The following RARRES1 variants were observed in gnomAD, a reference collection of about 807,000 sequenced individuals.
RARRES1 encodes retinoic acid receptor responder 1.
A neutral mutation model predicts 30.6 loss-of-function variants in RARRES1; 34 were observed. That is an observed-to-expected ratio of 1.11 (90% CI 0.84 to 1.48). The LOEUF (loss-of-function observed/expected upper bound fraction) is 1.48, where lower values mean the gene tolerates loss of function less well. Ranked by LOEUF, RARRES1 falls within the 40% of genes most tolerant of loss-of-function variation. The pLI is 0.00. For missense variants in RARRES1, 373 were observed against 386.5 expected, an observed-to-expected ratio of 0.97 and a Z score of 0.29; for synonymous variants, 153 against 155.5, an observed-to-expected ratio of 0.98 and a Z score of 0.12.
intron 1 of RARRES1, 107 bp from the exon 2 acceptor site, chr3:158,713,966 C>T: frequency 1.0e-6 from 1 of 982,376 alleles, no homozygotes; most frequent in Non-Finnish European, 1.6e-6. Context: ...GTGGCTGTAG[C>T]ATTTATACCT....
chr3:158,732,309 G>A lies in RARRES1; in HGVS notation c.107C>T (p.Ala36Val). 7.4e-7 allele frequency: 1 copy of A among 1,344,302 alleles called. No individual in the cohort carries two copies. Among genetic ancestry groups the A allele is most frequent in the Non-Finnish European group, 9.5e-7 (1 of 1,057,506 alleles). 83.3% of individuals were successfully genotyped at this position (1,344,302 alleles called of 1,614,324 possible). The change falls in exon 1 of 6, where the codon GCG becomes GTG. Residue 36 changes from alanine to valine, a missense_variant. Coordinates refer to ENST00000237696, the MANE Select transcript of RARRES1 (RefSeq NM_206963.2). ...ALLLLLAPVAAPAGSGDPDDP... is the reference protein window; with the variant it reads ...ALLLLLAPVAVPAGSGDPDDP... Reference sequence around the variant, plus strand: ...GTCGGGGTCCCCGGACCCCGCGGGCGCCGCCACCGGGGCGAGCAACAGCAG... The same window carrying A: ...GTCGGGGTCCCCGGACCCCGCGGGCACCGCCACCGGGGCGAGCAACAGCAG...
intron 1 of RARRES1, 81 bp from the exon 2 acceptor site, chr3:158,713,940 ACATGG>A (rs1263322542): frequency 7.9e-7 from 1 of 1,271,582 alleles, no homozygotes; most frequent in African/African-American, 1.5e-5. Context: ...TCTTAGGATA[ACATGG>A]CATGCAAATG....
At chr3:158,725,829 C>T (rs1262008789) in intron 1 of RARRES1, among the ~76,000 whole-genome samples, 1 of 152,164 alleles carries the variant, frequency 6.6e-6, no homozygotes, top group African/African-American at 2.4e-5. Context: ...GTCTGCAGAC[C>T]GGATGGCTGC....
chr3:158,713,489 C>T (rs945777791), intron 2 of RARRES1, among the ~76,000 whole-genome samples: 3 of 152,052 alleles, frequency 2.0e-5, no homozygotes, highest in African/African-American at 7.2e-5. Context: ...TCTGAGGACT[C>T]TGAGGAGCTA....
chr3:158,698,021 A>C (rs2108127309), intron 4 of RARRES1, 51 bp from the exon 5 acceptor site: 1 of 1,274,582 alleles, frequency 7.8e-7, no homozygotes, highest in East Asian at 2.4e-5. Context: ...TATTTAGTGT[A>C]ATAACTATAC....
chr3:158,704,708 T>G, intron 4 of RARRES1, 83 bp downstream of exon 4: 4 of 1,505,288 alleles, frequency 2.7e-6, no homozygotes, highest in Non-Finnish European at 3.5e-6. Flanking sequence ...GATATGAAAT[T>G]AGAAGTTCGC....
At chr3:158,717,190 G>C (rs538335676) in intron 1 of RARRES1, among the ~76,000 whole-genome samples, 1 of 152,286 alleles carries the variant, frequency 6.6e-6, no homozygotes, top group African/African-American at 2.4e-5. Context: ...AATGTTCTGT[G>C]ATAAAGGGGT....
At chr3:158,720,536 G>T (rs2108148617) in intron 1 of RARRES1, among the ~76,000 whole-genome samples, 1 of 149,776 alleles carries the variant, frequency 6.7e-6, no homozygotes, top group East Asian at 1.9e-4. Context: ...CTGAGACTCT[G>T]GGTAGAATCC....
chr3:158,730,671 A>T (rs964029669), intron 1 of RARRES1, among the ~76,000 whole-genome samples: 2 of 152,008 alleles, frequency 1.3e-5, no homozygotes, highest in Admixed American at 1.3e-4. Flanking sequence ...AGACTGGTCT[A>T]CAACTCCTGA....
intron 4 of RARRES1, among the ~76,000 whole-genome samples, chr3:158,702,513 T>C (rs893631171): frequency 4.6e-5 from 7 of 152,258 alleles, no homozygotes; most frequent in African/African-American, 1.7e-4. Context: ...ATGTGTCATA[T>C]GCAACTGCAA....
chr3:158,726,448 C>T (rs1727691886), intron 1 of RARRES1, among the ~76,000 whole-genome samples: 1 of 152,216 alleles, frequency 6.6e-6, no homozygotes, highest in Admixed American at 6.5e-5. Flanking sequence ...AGCACGGGCT[C>T]CTGCCTAGTG....
intron 1 of RARRES1, among the ~76,000 whole-genome samples, chr3:158,728,121 T>C (rs970017198): frequency 1.3e-5 from 2 of 152,082 alleles, no homozygotes; most frequent in Non-Finnish European, 2.9e-5. Flanking sequence ...ACCTAGGTCA[T>C]ACATATATAT....
chr3:158,718,512 A>G (rs1356155612), intron 1 of RARRES1, among the ~76,000 whole-genome samples: 3 of 152,246 alleles, frequency 2.0e-5, no homozygotes, highest in Non-Finnish European at 4.4e-5. Context: ...ACTGGCAATC[A>G]AGAAAGTGGA....
chr3:158,728,485 T>C (rs1727761403), intron 1 of RARRES1, among the ~76,000 whole-genome samples: 1 of 151,174 alleles, frequency 6.6e-6, no homozygotes, highest in Non-Finnish European at 1.5e-5. Flanking sequence ...AACCTGAGTT[T>C]GGAGGGATCA....
intron 1 of RARRES1, among the ~76,000 whole-genome samples, chr3:158,715,719 G>A (rs1727301025): frequency 1.3e-5 from 2 of 152,088 alleles, no homozygotes; most frequent in African/African-American, 2.4e-5. Context: ...CAAGGATAGG[G>A]GATGTTATAT....
chr3:158,711,365 T>A (rs1727130234), intron 2 of RARRES1, among the ~76,000 whole-genome samples: 1 of 152,054 alleles, frequency 6.6e-6, no homozygotes, highest in Non-Finnish European at 1.5e-5. Flanking sequence ...ATGAATTAGG[T>A]CCTCTGATTC....
At chr3:158,715,797 T>C (rs891969594) in intron 1 of RARRES1, among the ~76,000 whole-genome samples, 4 of 152,164 alleles carry the variant, frequency 2.6e-5, no homozygotes, top group African/African-American at 9.7e-5. Context: ...AAATGAGACA[T>C]GCCTGACAGT....
In RARRES1 at chr3:158,697,471, A is replaced by T. The variant is rs1726582259; in HGVS notation, c.*207T>A. The T allele has an allele frequency of 1.9e-6, 1 of 535,208 alleles. No individual in the cohort carries two copies. 33.2% of individuals were successfully genotyped at this position (535,208 alleles called of 1,614,324 possible). ...CTGGTGACTGTTTAGCACTGAGCAG[A>T]GTTCAGTGTGCATGCGCTTCCAGAG... On this transcript the variant is annotated 3_prime_UTR_variant, in exon 6 of 6. Transcript: ENST00000237696.
At chr3:158,709,121 G>T (rs982208488) in intron 3 of RARRES1, among the ~76,000 whole-genome samples, 5 of 152,108 alleles carry the variant, frequency 3.3e-5, no homozygotes, top group Non-Finnish European at 7.4e-5. Context: ...ATGAAAAGTT[G>T]CCCTCTATTA....
Sources: gnomAD v4.1 joint callset for allele counts (sites outside exome capture counted in the v4.1 genomes callset) on GRCh38, gnomAD v4.1.1 for gene constraint, MANE v1.5 for transcripts, NCBI Gene and HGNC (gene_info 2026-07-23, HGNC 2026-07-21) for gene names.